The following TCEA3 variants were observed in gnomAD, a reference collection of about 807,000 sequenced individuals.
TCEA3 encodes transcription elongation factor A3.
A neutral mutation model predicts 44.0 loss-of-function variants in TCEA3; 36 were observed. The observed-to-expected ratio is 0.82, with a 90% CI of 0.63 to 1.08. The LOEUF (loss-of-function observed/expected upper bound fraction) is 1.08. TCEA3 is among the 50% of genes least tolerant of loss of function. TCEA3 has a pLI of 0.00. For synonymous variants in TCEA3, 162 were observed against 159.7 expected (o/e 1.01, Z -0.11); for missense variants, 392 against 441.2 (o/e 0.89, Z 1.00).
chr1:23,402,880 G>A (rs1277644440), intron 5 of TCEA3, among the ~76,000 whole-genome samples: 1 of 152,162 alleles, frequency 6.6e-6, no homozygotes, highest in African/African-American at 2.4e-5. Flanking sequence ...GATGAATTGA[G>A]GAACTGACCA....
chr1:23,406,633 TTGTTTTGTTG>T (rs1372266016), intron 5 of TCEA3, among the ~76,000 whole-genome samples: 1 of 152,154 alleles, frequency 6.6e-6, no homozygotes, highest in East Asian at 1.9e-4. Flanking sequence ...TTGTTTTGTT[TTGTTTTGTTG>T]TGTTGTGTTT....
rs74440078 is a variant in TCEA3 at position 23,384,299 on chromosome 1, G to A, written c.1038+47C>T. The A allele has an allele frequency of 5.2e-3, 8,465 of 1,613,440 alleles. 264 individuals carry two copies. In the African/African-American group the frequency reaches 0.081, roughly 15 times the overall value. The stretch of plus-strand genomic sequence containing the variant: ...TGGGTACACTACGCCTTATGCGGGC[G>A]AGGTATGTGGATAACAGGGAAGGGG... On this transcript the variant is annotated intron_variant, in intron 10 of 10. Transcript: ENST00000450454.
chr1:23,391,119 T>G (rs913136889), intron 8 of TCEA3, among the ~76,000 whole-genome samples: 46 of 140,966 alleles, frequency 3.3e-4, no homozygotes, highest in Admixed American at 1.4e-3. Flanking sequence ...GATTTTTCTG[T>G]TTTTTTTTCT....
intron 9 of TCEA3, among the ~76,000 whole-genome samples, chr1:23,384,752 C>T (rs1638778198): frequency 6.6e-6 from 1 of 151,014 alleles, no homozygotes; most frequent in Non-Finnish European, 1.5e-5. Flanking sequence ...CTGCAACCTC[C>T]ACCTCCTGGG....
intron 8 of TCEA3, among the ~76,000 whole-genome samples, chr1:23,393,327 T>C (rs545027984): frequency 6.6e-6 from 1 of 152,088 alleles, no homozygotes; most frequent in South Asian, 2.1e-4. Flanking sequence ...GCCTGAGGGT[T>C]AGGGATCCCT....
At chr1:23,392,925 A>T (rs952036136) in intron 8 of TCEA3, among the ~76,000 whole-genome samples, 5 of 152,156 alleles carry the variant, frequency 3.3e-5, no homozygotes, top group Admixed American at 3.3e-4. Flanking sequence ...CATTACATTT[A>T]TTGTGCACTT....
chr1:23,412,779 G>T (rs1639773002), intron 4 of TCEA3, among the ~76,000 whole-genome samples: 1 of 152,210 alleles, frequency 6.6e-6, no homozygotes, highest in Non-Finnish European at 1.5e-5. Flanking sequence ...CCAGGCCTGG[G>T]AGAGGAGAGG....
rs756603949 is a variant in TCEA3, at chr1:23,417,331, CCTT to C, written c.295_297del (p.Lys99del). 6 of 1,613,926 alleles carry C rather than the reference CCTT, an allele frequency of 3.7e-6. No individual in the cohort carries two copies. Among genetic ancestry groups the C allele is most frequent in the Non-Finnish European group, 5.1e-6 (6 of 1,179,866 alleles). ...CAGTCTGAACACTCAAGCCCTTTTT[CCTT>C]CTTCTTTGCCTTTTCTCTTTCCTCT... is the stretch of plus-strand genomic sequence containing the variant. On this transcript the variant is annotated inframe_deletion, in exon 4 of 11. Transcript: ENST00000450454.
At chr1:23,422,875 C>T (rs943817997) in intron 1 of TCEA3, among the ~76,000 whole-genome samples, 5 of 152,274 alleles carry the variant, frequency 3.3e-5, no homozygotes, top group Non-Finnish European at 2.9e-5. Flanking sequence ...CAGGGCAGGT[C>T]CCGTCCTCTT....
chr1:23,413,123 T>G (rs1639782328), intron 4 of TCEA3, among the ~76,000 whole-genome samples: 3 of 152,126 alleles, frequency 2.0e-5, no homozygotes, highest in Admixed American at 2.0e-4. Flanking sequence ...TAAATATAAA[T>G]GTACATATGA....
intron 1 of TCEA3, among the ~76,000 whole-genome samples, chr1:23,423,024 C>T (rs759949168): frequency 6.6e-6 from 1 of 152,168 alleles, no homozygotes; most frequent in African/African-American, 2.4e-5. Context: ...TGGGATAACC[C>T]GTCTATTTGA....
In TCEA3 at chr1:23,417,281, T is replaced by C. The variant is rs868649312; in HGVS notation, c.348A>G (p.Pro116=). ...SDWKPEAGLS[P]PRKKREDPKT... is the part of the protein sequence containing the mutation. ...TGGGGTCTTCTCGTTTTTTCCTTGG[T>C]GGAGAAAGGCCTGCTTCTGGCTTCC... The change falls in exon 4 of 11, where the codon CCA becomes CCG. Residue 116 remains proline, a synonymous_variant. Coordinates refer to ENST00000450454, the MANE Select transcript of TCEA3 (RefSeq NM_003196.3). 1 of 1,614,012 alleles carries C rather than the reference T, an allele frequency of 6.2e-7. No individual in the cohort carries two copies. Among genetic ancestry groups the C allele is most frequent in the South Asian group, 1.1e-5 (1 of 91,070 alleles).
chr1:23,389,247 G>GAAGCC (rs1638946753), intron 8 of TCEA3, among the ~76,000 whole-genome samples: 1 of 152,102 alleles, frequency 6.6e-6, no homozygotes, highest in Admixed American at 6.6e-5. Context: ...CAGCACTTTG[G>GAAGCC]GAGGCTGGGA....
At chr1:23,385,897 C>A (rs1314699553) in intron 9 of TCEA3, among the ~76,000 whole-genome samples, 1 of 152,184 alleles carries the variant, frequency 6.6e-6, no homozygotes, top group African/African-American at 2.4e-5. Context: ...CTGACATTGG[C>A]CTCCTTTCTT....
At chr1:23,384,613 A>AG (rs953592106) in intron 9 of TCEA3, among the ~76,000 whole-genome samples, 196 bp from the exon 10 acceptor site, 1 of 150,444 alleles carries the variant, frequency 6.6e-6, no homozygotes, top group African/African-American at 2.5e-5. Context: ...GCAGTCCATC[A>AG]GCTCACTCCC....
Position 23,382,049 on chromosome 1 carries a change from AT to A in TCEA3, c.1039-576del, listed in dbSNP as rs5773042. On this transcript the variant is annotated intron_variant, in intron 10 of 10. Coordinates refer to ENST00000450454, the MANE Select transcript of TCEA3 (RefSeq NM_003196.3). ...GAGATAGGCACTAATATCACTCCCA[AT>A]TTTTTTTTTTTTTTTGAAACGGAGT... is the stretch of plus-strand genomic sequence containing the variant. Among the ~76,000 whole-genome samples, 149 of 144,098 alleles carry A rather than the reference AT, an allele frequency of 1.0e-3. 1 individual carries two copies. Among genetic ancestry groups the A allele is most frequent in the Middle Eastern group, 3.6e-3 (1 of 278 alleles). 94.5% of individuals were successfully genotyped at this position (144,098 alleles called of 152,430 possible). A position where few individuals can be genotyped will look rare whatever the true frequency, so the allele number is the denominator to read the frequency against.
intron 5 of TCEA3, chr1:23,404,173 A>C (rs1383607413): frequency 4.3e-6 from 3 of 702,214 alleles, no homozygotes; most frequent in Non-Finnish European, 7.8e-6. Flanking sequence ...GCAAATGGCA[A>C]ATCATTCTGA....
At chr1:23,388,166 G>A (rs1211345582) in intron 8 of TCEA3, among the ~76,000 whole-genome samples, 4 of 151,818 alleles carry the variant, frequency 2.6e-5, no homozygotes, top group Non-Finnish European at 5.9e-5. Context: ...GAAGGAGGGT[G>A]GCTGACGCGA....
chr1:23,419,055 A>G, intron 2 of TCEA3, 22 bp downstream of exon 2: 2 of 812,150 alleles, frequency 2.5e-6, no homozygotes, highest in Non-Finnish European at 3.4e-6. Context: ...CACTGTCCCA[A>G]GGCTTCCCAC....
Sources: allele counts gnomAD v4.1 joint callset (sites outside exome capture counted in the v4.1 genomes callset), GRCh38; gene constraint gnomAD v4.1.1; transcripts MANE v1.5; gene names NCBI Gene and HGNC (gene_info 2026-07-23, HGNC 2026-07-21).